The following TRAF2 variants were observed in gnomAD, a reference collection of about 807,000 sequenced individuals.
TRAF2 encodes TNF receptor-associated factor 2.
A neutral mutation model predicts 55.6 loss-of-function variants in TRAF2; 6 were observed. The observed-to-expected ratio is 0.11, with a 90% CI of 0.06 to 0.21. TRAF2 has a LOEUF of 0.21. TRAF2 is among the 10% of genes least tolerant of loss of function. The pLI, the probability that TRAF2 is intolerant of heterozygous loss-of-function variation, is 1.00. For synonymous variants in TRAF2, 329 were observed against 276.3 expected (o/e 1.19, Z -1.89); for missense variants, 561 against 684.5 (o/e 0.82, Z 2.01).
At chr9:136,908,294 C>G (rs888739597) in intron 5 of TRAF2, 63 bp downstream of exon 5, 378 of 1,467,384 alleles carry the variant, frequency 2.6e-4, no homozygotes, top group Non-Finnish European at 3.2e-4. Flanking sequence ...TGGGGAGCTG[C>G]GTGCTGGCCA....
intron 6 of TRAF2, among the ~76,000 whole-genome samples, chr9:136,913,295 A>ATTTT (rs369765173): frequency 0.46 from 40,324 of 86,726 alleles, 10,875 homozygotes; most frequent in East Asian, 0.68. Context: ...TTATAAAGGA[A>ATTTT]TTTTTTTTTT....
At chr9:136,920,965 G>A (rs17250553) in intron 8 of TRAF2, 73 bp from the exon 9 acceptor site, 60,194 of 1,566,870 alleles carry the variant, frequency 0.038, 1,306 homozygotes, top group Non-Finnish European at 0.042. Flanking sequence ...GCTGGAGATC[G>A]GTGGGTGTGG....
chr9:136,909,869 C>G (rs17250833), intron 5 of TRAF2, 51 bp from the exon 6 acceptor site: 1 of 1,596,076 alleles, frequency 6.3e-7, no homozygotes, highest in East Asian at 2.2e-5. Context: ...GCCCTCCACC[C>G]GCGCCTGGCA....
chr9:136,907,886 C>T (rs547580231), intron 4 of TRAF2, among the ~76,000 whole-genome samples, 184 bp from the exon 5 acceptor site: 3 of 152,044 alleles, frequency 2.0e-5, no homozygotes, highest in Admixed American at 1.3e-4. Flanking sequence ...CGAGGACACA[C>T]TGATCTGATC....
In TRAF2 at chr9:136,924,208, G is replaced by A. The variant is rs1025012597; in HGVS notation, c.1287+208G>A. On this transcript the variant is annotated intron_variant, in intron 10 of 10. Transcript: ENST00000247668. ...TTCCATGATTTCTGAGCACTGGTCCGTGACACAAGCACCTGGCTTCCTGAC... is the reference window on the plus strand; with the variant it reads ...TTCCATGATTTCTGAGCACTGGTCCATGACACAAGCACCTGGCTTCCTGAC... 4.6e-5 allele frequency among the ~76,000 whole-genome samples: 7 copies of A among 152,186 alleles called. No homozygotes were observed. In the South Asian group the frequency reaches 8.3e-4, roughly 18 times the overall value.
intron 1 of TRAF2, among the ~76,000 whole-genome samples, chr9:136,890,711 C>G (rs1588417275): frequency 6.6e-6 from 1 of 152,244 alleles, no homozygotes; most frequent in South Asian, 2.1e-4. Context: ...TAAGGAATCT[C>G]TAAGCACAAA....
chr9:136,884,325 G>A (rs956416434), upstream of TRAF2, among the ~76,000 whole-genome samples: 2 of 151,716 alleles, frequency 1.3e-5, no homozygotes, highest in African/African-American at 2.4e-5. Context: ...TTGGGAGGCC[G>A]AGGCAGGCAA....
chr9:136,881,997 G>A (rs1056750168), upstream of TRAF2: 22 of 985,484 alleles, frequency 2.2e-5, no homozygotes, highest in African/African-American at 3.7e-4. Flanking sequence ...AAAGAGGCAA[G>A]CTCTCGGTGT....
upstream of TRAF2, among the ~76,000 whole-genome samples, chr9:136,883,923 G>A (rs577743469): frequency 2.3e-4 from 35 of 150,942 alleles, no homozygotes; most frequent in Admixed American, 2.3e-3. Context: ...CCGGGTTCAA[G>A]TGAATCTCCT....
At position 136,914,381 on chromosome 9, in the gene TRAF2, T is replaced by C. The variant is rs1850192076; in HGVS notation, c.604-2160T>C. On this transcript the variant is annotated intron_variant, in intron 6 of 10. Coordinates refer to ENST00000247668, the MANE Select transcript of TRAF2 (RefSeq NM_021138.4). ...CCTCTTCTCCTTCAGCTTCCTGTGG[T>C]GGAAATTTCTGAGCCTGGACAGATG... Among the ~76,000 whole-genome samples the C allele has an allele frequency of 2.6e-5, 4 of 152,250 alleles. No individual in the cohort carries two copies. The Middle Eastern group carries it at 0.014, about 518-fold the overall frequency.
chr9:136,907,801 G>T (rs563620361), intron 4 of TRAF2, among the ~76,000 whole-genome samples: 1 of 152,148 alleles, frequency 6.6e-6, no homozygotes, highest in South Asian at 2.1e-4. Flanking sequence ...GAGCCTGGTG[G>T]TGGCAAGGCA....
intron 6 of TRAF2, among the ~76,000 whole-genome samples, chr9:136,913,990 C>T (rs1326287505): frequency 6.6e-6 from 1 of 152,208 alleles, no homozygotes; most frequent in Non-Finnish European, 1.5e-5. Flanking sequence ...AGAAGTGGGC[C>T]TGGGCCTCAT....
At chr9:136,917,957 C>T (rs572247949) in intron 7 of TRAF2, among the ~76,000 whole-genome samples, 29 of 152,128 alleles carry the variant, frequency 1.9e-4, no homozygotes, top group African/African-American at 6.5e-4. Flanking sequence ...GAGAACACAG[C>T]GTGAGTCTGT....
intron 7 of TRAF2, among the ~76,000 whole-genome samples, chr9:136,917,633 C>CT (rs1169212488): frequency 2.0e-5 from 3 of 152,334 alleles, no homozygotes; most frequent in African/African-American, 4.8e-5. Flanking sequence ...ACCTTCCTTG[C>CT]TTGAAGACAG....
intron 7 of TRAF2, among the ~76,000 whole-genome samples, chr9:136,918,127 T>C (rs1850283647): frequency 6.6e-6 from 1 of 151,538 alleles, no homozygotes; most frequent in Admixed American, 6.6e-5. Flanking sequence ...GCTGTTTGTG[T>C]CTTGAGTGCC....
intron 1 of TRAF2, among the ~76,000 whole-genome samples, chr9:136,887,934 A>G (rs1588414535): frequency 1.3e-5 from 2 of 151,934 alleles, no homozygotes. Flanking sequence ...CAGTGGCTCG[A>G]TCTCGGCTCA....
intron 6 of TRAF2, 29 bp from the exon 7 acceptor site, chr9:136,916,512 G>C (rs1359171071): frequency 1.2e-6 from 2 of 1,609,116 alleles, no homozygotes; most frequent in Admixed American, 3.3e-5. Flanking sequence ...AACAGAGAAA[G>C]ATGGCTCTGT....
At chr9:136,911,215 T>C (rs1235310511) in intron 6 of TRAF2, among the ~76,000 whole-genome samples, 1 of 151,858 alleles carries the variant, frequency 6.6e-6, no homozygotes, top group East Asian at 1.9e-4. Flanking sequence ...CACCCATCAC[T>C]GTGAACACGG....
At chr9:136,901,443 G>T (rs1196467258) in intron 4 of TRAF2, among the ~76,000 whole-genome samples, 1 of 152,208 alleles carries the variant, frequency 6.6e-6, no homozygotes, top group South Asian at 2.1e-4. Context: ...AAAGGAAGGC[G>T]ATTCGGACAC....
Sources: allele counts gnomAD v4.1 joint callset (sites outside exome capture counted in the v4.1 genomes callset), GRCh38; gene constraint gnomAD v4.1.1; transcripts MANE v1.5; gene names NCBI Gene and HGNC (gene_info 2026-07-23, HGNC 2026-07-21).